The following AHI1 variants were observed in gnomAD, a reference collection of about 807,000 sequenced individuals.
AHI1 encodes Abelson helper integration site 1, also known as jouberin.
Under a neutral mutation model 149.3 loss-of-function variants are expected in AHI1, and 123 were observed. The ratio of observed to expected loss-of-function variants is 0.82; its 90% CI spans 0.71 to 0.96. The LOEUF is 0.96. Ranked by LOEUF, AHI1 falls within the 40% of genes least tolerant of loss-of-function variation. The pLI is 0.00. For synonymous variants in AHI1, 475 were observed against 459.8 expected (o/e 1.03, Z -0.42); for missense variants, 1,439 against 1,422.7 (o/e 1.01, Z -0.18).
At chr6:135,350,227 T>A (rs1035644787) in intron 24 of AHI1, among the ~76,000 whole-genome samples, 5 of 152,194 alleles carry the variant, frequency 3.3e-5, no homozygotes, top group African/African-American at 1.2e-4. Context: ...TGCCTCCTAG[T>A]GTGACCATCC....
At chr6:135,289,831 A>G (rs1782119293) in intron 28 of AHI1, among the ~76,000 whole-genome samples, 1 of 152,228 alleles carries the variant, frequency 6.6e-6, no homozygotes, top group Admixed American at 6.5e-5. Flanking sequence ...CAGCTTCGTA[A>G]CATTTCACCT....
intron 3 of AHI1, among the ~76,000 whole-genome samples, chr6:135,493,869 C>T (rs1198124224): frequency 6.6e-6 from 1 of 152,026 alleles, no homozygotes; most frequent in Non-Finnish European, 1.5e-5. Context: ...ATGGTAAAAC[C>T]CCATCTCTAC....
chr6:135,377,050 C>T lies in AHI1; in HGVS notation c.3109+17726G>A, dbSNP rs143341942. 3.9e-4 allele frequency among the ~76,000 whole-genome samples: 59 copies of T among 151,650 alleles called. 1 individual carries two copies. The East Asian group carries it at 0.011, about 28-fold the overall frequency. On this transcript the variant is annotated intron_variant, in intron 23 of 28. Transcript: ENST00000265602. ...CTGGATGCTGAATAAAATAAGCAAG[C>T]AAACAAAAAACTGCTTGAGACTTAT...
Position 135,466,107 on chromosome 6 carries a change from A to G in AHI1, c.456T>C (p.Ser152=), listed in dbSNP as rs1488249011. 3.7e-6 allele frequency: 6 copies of G among 1,613,794 alleles called. No homozygotes were observed. The African/African-American group carries it at 5.3e-5, about 14-fold the overall frequency. Residue 152 remains serine (S), a synonymous_variant, in exon 7 of 29, where the codon TCT becomes TCC. Transcript: ENST00000265602. ...KPETPENKVD[S]THQKTHTKPQ... ...GCTTTGTATGTGTTTTCTGGTGTGT[A>G]GAATCAACCTTATTCTCAGGAGTTT...
intron 16 of AHI1, among the ~76,000 whole-genome samples, chr6:135,432,227 T>C (rs867013688): frequency 6.6e-6 from 1 of 152,128 alleles, no homozygotes; most frequent in Non-Finnish European, 1.5e-5. Flanking sequence ...TACCAATTAA[T>C]TATAGCGCTA....
intron 23 of AHI1, among the ~76,000 whole-genome samples, chr6:135,365,094 A>C (rs576549853): frequency 2.0e-5 from 3 of 152,080 alleles, no homozygotes; most frequent in Non-Finnish European, 2.9e-5. Context: ...TCCTCACTCT[A>C]TGTTTTGTTT....
In AHI1 at chr6:135,497,625, C is replaced by G. The variant is rs1796161197; in HGVS notation, c.-244G>C. On this transcript the variant is annotated 5_prime_UTR_variant, in exon 1 of 29. Coordinates refer to ENST00000265602, the MANE Select transcript of AHI1 (RefSeq NM_001134831.2). The stretch of plus-strand genomic sequence containing the variant: ...ACCGCCCGTCCCGCCGGAGCCGACA[C>G]CCGGAGCAGTGCAAATCAACTCCCC... 6.4e-6 allele frequency: 1 copy of G among 156,142 alleles called. No homozygotes were observed. Among genetic ancestry groups the G allele is most frequent in the African/African-American group, 2.4e-5 (1 of 41,498 alleles). 9.7% of individuals were successfully genotyped at this position (156,142 alleles called of 1,614,324 possible).
chr6:135,345,688 G>A (rs960470279), intron 24 of AHI1, among the ~76,000 whole-genome samples: 2 of 152,116 alleles, frequency 1.3e-5, no homozygotes, highest in South Asian at 2.1e-4. Flanking sequence ...TAATGAGTAC[G>A]GGATTTCTTC....
chr6:135,400,457 A>C (rs1156616893), intron 22 of AHI1, among the ~76,000 whole-genome samples: 1 of 151,806 alleles, frequency 6.6e-6, no homozygotes, highest in Non-Finnish European at 1.5e-5. Context: ...GTGATGTAAT[A>C]CTTCAAAAAA....
chr6:135,455,643 T>G, intron 10 of AHI1, 91 bp downstream of exon 10: 1 of 994,362 alleles, frequency 1.0e-6, no homozygotes. Flanking sequence ...CTTTTTTTTT[T>G]GCCTTACTGG....
chr6:135,313,367 G>C (rs1043780634), intron 26 of AHI1, among the ~76,000 whole-genome samples: 3 of 152,186 alleles, frequency 2.0e-5, no homozygotes, highest in African/African-American at 4.8e-5. Flanking sequence ...AAGATTTAAA[G>C]CCTAATTTGA....
intron 26 of AHI1, among the ~76,000 whole-genome samples, chr6:135,304,639 C>T (rs148806902): frequency 0.017 from 2,531 of 152,060 alleles, 66 homozygotes; most frequent in African/African-American, 0.058. Flanking sequence ...GGTGTGGTGG[C>T]GGGCACCTGT....
chr6:135,461,135 G>A (rs943755529), intron 8 of AHI1, among the ~76,000 whole-genome samples: 1 of 151,916 alleles, frequency 6.6e-6, no homozygotes, highest in Admixed American at 6.6e-5. Context: ...AGAGTAGGAC[G>A]ACATTTGCGA....
chr6:135,464,816 G>A (rs1790487000), intron 7 of AHI1, among the ~76,000 whole-genome samples: 1 of 152,172 alleles, frequency 6.6e-6, no homozygotes, highest in Admixed American at 6.5e-5. Flanking sequence ...TCCTCCCCCA[G>A]TCAAGGCTTG....
At chr6:135,401,484 TG>T (rs1406910679) in intron 22 of AHI1, among the ~76,000 whole-genome samples, 1 of 152,156 alleles carries the variant, frequency 6.6e-6, no homozygotes, top group Non-Finnish European at 1.5e-5. Context: ...AACGGACACT[TG>T]GGAAAAATTT....
intron 27 of AHI1, among the ~76,000 whole-genome samples, chr6:135,292,259 G>A (rs757709461): frequency 1.3e-5 from 2 of 151,966 alleles, no homozygotes; most frequent in Non-Finnish European, 2.9e-5. Flanking sequence ...TTACCCCGTC[G>A]TGTCTATATG....
At chr6:135,382,800 G>A (rs954249415) in intron 23 of AHI1, among the ~76,000 whole-genome samples, 2 of 145,942 alleles carry the variant, frequency 1.4e-5, no homozygotes, top group South Asian at 4.5e-4. Flanking sequence ...TGTTATTTTT[G>A]TGATACAAGT....
At chr6:135,390,591 C>T (rs145658952) in intron 23 of AHI1, among the ~76,000 whole-genome samples, 112 of 152,224 alleles carry the variant, frequency 7.4e-4, no homozygotes, top group Non-Finnish European at 1.4e-3. Flanking sequence ...CATGTACCGT[C>T]GTCTAGGAAT....
chr6:135,345,164 T>C (rs1483813091), intron 24 of AHI1, among the ~76,000 whole-genome samples: 1 of 152,166 alleles, frequency 6.6e-6, no homozygotes, highest in Admixed American at 6.5e-5. Context: ...ACAGCTATAA[T>C]ACAAAATCAG....
Sources: allele counts gnomAD v4.1 joint callset (sites outside exome capture counted in the v4.1 genomes callset), GRCh38; gene constraint gnomAD v4.1.1; transcripts MANE v1.5; gene names NCBI Gene and HGNC (gene_info 2026-07-23, HGNC 2026-07-21).